The following CMC1 variants were observed in gnomAD, a reference collection of about 807,000 sequenced individuals.
The protein encoded by CMC1 is C-X9-C motif containing 1.
A neutral mutation model predicts 14.1 loss-of-function variants in CMC1; 14 were observed. That is an observed-to-expected ratio of 0.99 (90% CI 0.66 to 1.55). The LOEUF (loss-of-function observed/expected upper bound fraction) is 1.55. Ranked by LOEUF, CMC1 falls within the 40% of genes most tolerant of loss-of-function variation. The pLI is 0.00. For synonymous variants in CMC1, 50 were observed against 38.4 expected (o/e 1.30, Z -1.12); for missense variants, 127 against 123.8 (o/e 1.03, Z -0.12).
chr3:28,264,948 A>G (rs2125466485), intron 2 of CMC1, among the ~76,000 whole-genome samples: 1 of 152,228 alleles, frequency 6.6e-6, no homozygotes, highest in Admixed American at 6.5e-5. Context: ...TGATTGTATG[A>G]CTTTGAGTTT....
intron 2 of CMC1, among the ~76,000 whole-genome samples, chr3:28,274,809 C>T (rs1169244725): frequency 6.6e-6 from 1 of 151,516 alleles, no homozygotes; most frequent in Non-Finnish European, 1.5e-5. Context: ...TTTGTTTGTT[C>T]CTTTTCATTC....
At chr3:28,284,560 G>A (rs1272473585) in intron 2 of CMC1, among the ~76,000 whole-genome samples, 1 of 152,104 alleles carries the variant, frequency 6.6e-6, no homozygotes, top group East Asian at 1.9e-4. Context: ...TGCATCCAAG[G>A]TTGAGAAATA....
chr3:28,244,577 A>G (rs965482486), intron 1 of CMC1, among the ~76,000 whole-genome samples: 1 of 152,108 alleles, frequency 6.6e-6, no homozygotes, highest in Non-Finnish European at 1.5e-5. Flanking sequence ...AAATACAAAA[A>G]ATTTAGCCAG....
At chr3:28,319,212 G>A (rs1264109252) in intron 3 of CMC1, 3 of 469,846 alleles carry the variant, frequency 6.4e-6, no homozygotes, top group South Asian at 4.6e-5. Context: ...CTCTGTCACA[G>A]TATTTTGTAG....
intron 1 of CMC1, among the ~76,000 whole-genome samples, chr3:28,246,348 G>C (rs1341299122): frequency 6.6e-6 from 1 of 152,182 alleles, no homozygotes; most frequent in African/African-American, 2.4e-5. Flanking sequence ...TAAGAAAGAA[G>C]AATTGAGATC....
intron 1 of CMC1, among the ~76,000 whole-genome samples, chr3:28,250,913 C>T (rs961915967): frequency 6.6e-6 from 1 of 152,114 alleles, no homozygotes; most frequent in African/African-American, 2.4e-5. Flanking sequence ...TAAGATTTCC[C>T]TTTGGATTCT....
At chr3:28,273,920 T>C (rs971167881) in intron 2 of CMC1, among the ~76,000 whole-genome samples, 14 of 152,196 alleles carry the variant, frequency 9.2e-5, no homozygotes, top group Non-Finnish European at 1.8e-4. Flanking sequence ...CTCCTGCATT[T>C]TTCTGCTTTC....
chr3:28,251,708 A>G (rs192794035), intron 1 of CMC1, among the ~76,000 whole-genome samples: 1 of 152,234 alleles, frequency 6.6e-6, no homozygotes, highest in South Asian at 2.1e-4. Flanking sequence ...TATTTTCTTT[A>G]TAGGAATTCT....
At chr3:28,303,627 TG>T (rs1328253296) in intron 2 of CMC1, among the ~76,000 whole-genome samples, 3 of 152,130 alleles carry the variant, frequency 2.0e-5, no homozygotes, top group African/African-American at 7.2e-5. Flanking sequence ...ATAACAGTAA[TG>T]GCAGAGATTA....
At chr3:28,264,694 T>TA (rs1577004384) in intron 2 of CMC1, among the ~76,000 whole-genome samples, 1 of 152,084 alleles carries the variant, frequency 6.6e-6, no homozygotes, top group Admixed American at 6.6e-5. Flanking sequence ...TCATACAACT[T>TA]AAAAAATATA....
At chr3:28,306,641 A>C (rs1702325342) in intron 2 of CMC1, among the ~76,000 whole-genome samples, 2 of 151,506 alleles carry the variant, frequency 1.3e-5, no homozygotes, top group Admixed American at 1.3e-4. Flanking sequence ...TTTAAAATGA[A>C]GAATTTTTTT....
chr3:28,288,383 A>G (rs1344297284), intron 2 of CMC1, among the ~76,000 whole-genome samples: 1 of 152,034 alleles, frequency 6.6e-6, no homozygotes, highest in Non-Finnish European at 1.5e-5. Context: ...CTTTATCTCC[A>G]TCTTGTGGTA....
chr3:28,252,663 CTG>C (rs1367691335), intron 1 of CMC1, among the ~76,000 whole-genome samples: 4 of 152,186 alleles, frequency 2.6e-5, no homozygotes, highest in African/African-American at 9.7e-5. Context: ...TTCAGCATAA[CTG>C]TGGAAGCTCA....
chr3:28,266,542 T>G (rs1559409906), intron 2 of CMC1, among the ~76,000 whole-genome samples: 1 of 151,980 alleles, frequency 6.6e-6, no homozygotes, highest in Middle Eastern at 3.4e-3. Flanking sequence ...GGAGTCTCAC[T>G]ATGTTGTGCA....
intron 2 of CMC1, among the ~76,000 whole-genome samples, chr3:28,285,072 C>G (rs1008792521): frequency 4.6e-5 from 7 of 152,094 alleles, no homozygotes; most frequent in Non-Finnish European, 8.8e-5. Flanking sequence ...GCAGAAATTG[C>G]TTTGTGATTA....
rs1703221163 is a variant in CMC1, at chr3:28,322,625, C to A, written c.*2996C>A. Reference sequence around the variant, plus strand: ...CCTGGAGTATTGTATTTCTTTTATGCATATTGGGTTTGGTTCTATTACTTG... The same window carrying A: ...CCTGGAGTATTGTATTTCTTTTATGAATATTGGGTTTGGTTCTATTACTTG... On this transcript the variant is annotated 3_prime_UTR_variant, in exon 4 of 4. Coordinates refer to ENST00000466830, the MANE Select transcript of CMC1 (RefSeq NM_182523.2). 6.6e-6 allele frequency: 1 copy of A among 151,552 alleles called. No homozygotes were observed. The highest frequency in any genetic ancestry group is 1.5e-5 in the Non-Finnish European group (1 of 67,406). The allele number at this position is 151,552 out of a possible 1,614,324, so 9.4% of individuals were successfully genotyped here.
intron 2 of CMC1, among the ~76,000 whole-genome samples, chr3:28,266,910 G>A (rs1295675933): frequency 6.6e-6 from 1 of 152,170 alleles, no homozygotes. Flanking sequence ...AGTGAACACT[G>A]AGTACATTGG....
Position 28,322,434 on chromosome 3 carries a change from TAA to T in CMC1, c.*2806_*2807del, listed in dbSNP as rs920422164. 1 of 151,676 alleles carries T rather than the reference TAA, an allele frequency of 6.6e-6. No homozygotes were observed. Among genetic ancestry groups the T allele is most frequent in the Admixed American group, 6.6e-5 (1 of 15,112 alleles). The allele number at this position is 151,676 out of a possible 1,614,324, so 9.4% of individuals were successfully genotyped here. A position where few individuals can be genotyped will look rare whatever the true frequency, so the allele number is the denominator to read the frequency against. On this transcript the variant is annotated 3_prime_UTR_variant, in exon 4 of 4. Transcript: ENST00000466830. ...AAACATTAATCAAGCAATTATCTCA[TAA>T]GACTTTTTTTCTTTACAAAGGAAAA...
intron 1 of CMC1, among the ~76,000 whole-genome samples, chr3:28,248,385 T>G (rs1698937011): frequency 6.6e-6 from 1 of 152,336 alleles, no homozygotes; most frequent in South Asian, 2.1e-4. Context: ...TGGGAGTTAG[T>G]AAGACTGACT....
Sources: allele counts gnomAD v4.1 joint callset (sites outside exome capture counted in the v4.1 genomes callset), GRCh38; gene constraint gnomAD v4.1.1; transcripts MANE v1.5; gene names NCBI Gene and HGNC (gene_info 2026-07-23, HGNC 2026-07-21).